PCDHGA8: variants seen among roughly 807,000 people sequenced by gnomAD.
The protein encoded by PCDHGA8 is protocadherin gamma subfamily A, 8.
PCDHGA8 carries 45 observed loss-of-function variants against 59.2 expected under a neutral mutation model. That is an observed-to-expected ratio of 0.76 (90% CI 0.60 to 0.98). The LOEUF is 0.98. PCDHGA8 is among the 50% of genes least tolerant of loss of function. PCDHGA8 has a pLI of 0.00. For missense variants in PCDHGA8, 1,257 were observed against 1,196.2 expected (o/e 1.05, Z -0.75); for synonymous variants, 531 against 519.0 (o/e 1.02, Z -0.32).
At position 141,491,187 on chromosome 5, in the gene PCDHGA8, G is replaced by A. The variant is rs2099709293; in HGVS notation, c.2425-3620G>A. ...CCCAGCAGGTGGTGGTCCTGGTGAG[G>A]GACAATGGTGACCCTTCACTCTCCT... On this transcript the variant is annotated intron_variant, in intron 1 of 3. Coordinates refer to ENST00000398604, the MANE Select transcript of PCDHGA8 (RefSeq NM_032088.2). The surrounding 1 kb of genome is among the most constrained non-coding windows in gnomAD (Gnocchi z 6.9). The A allele has an allele frequency of 6.2e-7, 1 of 1,614,064 alleles. No homozygotes were observed. The highest frequency in any genetic ancestry group is 1.1e-5 in the South Asian group (1 of 91,080).
chr5:141,451,001 A>T (rs909477017), intron 1 of PCDHGA8, among the ~76,000 whole-genome samples: 2 of 148,266 alleles, frequency 1.3e-5, no homozygotes, highest in Middle Eastern at 3.4e-3. Context: ...ATTTTTTTGT[A>T]TTTTTTTTAG....
Position 141,489,779 on chromosome 5 carries a change from T to C in PCDHGA8, c.2425-5028T>C, listed in dbSNP as rs1269302289. 1.9e-6 allele frequency: 3 copies of C among 1,614,168 alleles called. No homozygotes were observed. Among genetic ancestry groups the C allele is most frequent in the Non-Finnish European group, 2.5e-6 (3 of 1,179,996 alleles). On this transcript the variant is annotated intron_variant, in intron 1 of 3. Coordinates refer to ENST00000398604, the MANE Select transcript of PCDHGA8 (RefSeq NM_032088.2). The surrounding 1 kb of genome is among the most constrained non-coding windows in gnomAD (Gnocchi z 4.5). ...CTAAGCCCCAACAGCCACTTCTCTC[T>C]GAATGTGAAGACCCTAAAAGATGGG...
chr5:141,435,940 G>A (rs2097787697), intron 1 of PCDHGA8, among the ~76,000 whole-genome samples: 1 of 152,066 alleles, frequency 6.6e-6, no homozygotes, highest in Admixed American at 6.5e-5. Flanking sequence ...CTGCTTCTGA[G>A]ACCAAAAAAG....
Position 141,485,294 on chromosome 5 carries a change from G to A in PCDHGA8, c.2425-9513G>A, listed in dbSNP as rs2099611126. Reference sequence around the variant, plus strand: ...CTACCCGGTCCCAGAGGAGTCACAGGAAGGGACTTTTGTAGGGAATGTCGC... The same window carrying A: ...CTACCCGGTCCCAGAGGAGTCACAGAAAGGGACTTTTGTAGGGAATGTCGC... On this transcript the variant is annotated intron_variant, in intron 1 of 3. Coordinates refer to ENST00000398604, the MANE Select transcript of PCDHGA8 (RefSeq NM_032088.2). The surrounding 1 kb of genome is among the most constrained non-coding windows in gnomAD (Gnocchi z 5.7). The A allele has an allele frequency of 6.2e-7, 1 of 1,614,044 alleles. No homozygotes were observed. Among genetic ancestry groups the A allele is most frequent in the Non-Finnish European group, 8.5e-7 (1 of 1,179,988 alleles).
chr5:141,494,909 T>G (rs764123148), intron 2 of PCDHGA8, 44 bp downstream of exon 2: 1 of 1,614,042 alleles, frequency 6.2e-7, no homozygotes, highest in Admixed American at 1.7e-5. Flanking sequence ...CTGCGGCATT[T>G]TCTCAGGGAT....
chr5:141,406,294 G>C (rs1399208737), intron 1 of PCDHGA8, among the ~76,000 whole-genome samples: 1 of 151,910 alleles, frequency 6.6e-6, no homozygotes, highest in East Asian at 1.9e-4. Flanking sequence ...CACTGGGTGA[G>C]GTGTGAACCA....
At chr5:141,435,902 A>G (rs896786345) in intron 1 of PCDHGA8, among the ~76,000 whole-genome samples, 1 of 152,194 alleles carries the variant, frequency 6.6e-6, no homozygotes, top group Non-Finnish European at 1.5e-5. Flanking sequence ...AATGAAAGAC[A>G]TCCAAGGGCT....
intron 1 of PCDHGA8, chr5:141,409,464 C>G (rs1185218827): frequency 1.9e-6 from 3 of 1,613,940 alleles, no homozygotes; most frequent in Non-Finnish European, 1.7e-6. Context: ...TACAATGTCA[C>G]CATCGTAGCC....
intron 1 of PCDHGA8, chr5:141,410,854 T>C: frequency 2.6e-6 from 1 of 387,418 alleles, no homozygotes; most frequent in Non-Finnish European, 4.2e-6. Flanking sequence ...TTTGTCTTTT[T>C]TTTTTTTTTT....
Position 141,477,872 on chromosome 5 carries a change from G to A in PCDHGA8, c.2425-16935G>A. The stretch of plus-strand genomic sequence containing the variant: ...GGAGATGCTGCCTCGAGGTACCTCA[G>A]CTGGCCACCTAGTGTCACGGGTGGT... On this transcript the variant is annotated intron_variant, in intron 1 of 3. Coordinates refer to ENST00000398604, the MANE Select transcript of PCDHGA8 (RefSeq NM_032088.2). This position sits in a 1 kb window ranked among gnomAD's most constrained non-coding sequence, Gnocchi z 4.9. The A allele has an allele frequency of 6.2e-7, 1 of 1,614,180 alleles. No individual in the cohort carries two copies. Among genetic ancestry groups the A allele is most frequent in the African/African-American group, 1.3e-5 (1 of 75,058 alleles).
At chr5:141,407,497 G>GTTTTTTTTTTTTTTTT (rs1554102286) in intron 1 of PCDHGA8, among the ~76,000 whole-genome samples, 1 of 151,966 alleles carries the variant, frequency 6.6e-6, no homozygotes, top group Non-Finnish European at 1.5e-5. Flanking sequence ...CTTTATTTCT[G>GTTTTTTTTTTTTTTTT]TTTTTCTTAG....
At position 141,490,356 on chromosome 5, in the gene PCDHGA8, T is replaced by C. The variant is rs771968534; in HGVS notation, c.2425-4451T>C. ...CAGTGGGCACAGTAGTGGGGTTGTT[T>C]AATGTGCGAGACCGGGACTCAGGTA... On this transcript the variant is annotated intron_variant, in intron 1 of 3. Coordinates refer to ENST00000398604, the MANE Select transcript of PCDHGA8 (RefSeq NM_032088.2). The surrounding 1 kb of genome is among the most constrained non-coding windows in gnomAD (Gnocchi z 5.4). 1.4e-5 allele frequency: 23 copies of C among 1,614,084 alleles called. No individual in the cohort carries two copies. Among genetic ancestry groups the C allele is most frequent in the Non-Finnish European group, 1.9e-5 (22 of 1,180,038 alleles).
chr5:141,501,328 CACA>C (rs2099808027), intron 2 of PCDHGA8, among the ~76,000 whole-genome samples: 1 of 151,710 alleles, frequency 6.6e-6, no homozygotes, highest in Non-Finnish European at 1.5e-5. Context: ...CACACACACA[CACA>C]CACCCCAAAC....
At chr5:141,425,717 C>G (rs1207360676) in intron 1 of PCDHGA8, among the ~76,000 whole-genome samples, 1 of 152,188 alleles carries the variant, frequency 6.6e-6, no homozygotes, top group African/African-American at 2.4e-5. Context: ...TTTTCCCATA[C>G]CACTTGATGG....
chr5:141,400,646 CTGTCCT>C, intron 1 of PCDHGA8: 1 of 1,222,508 alleles, frequency 8.2e-7, no homozygotes, highest in South Asian at 1.4e-5. Flanking sequence ...GCTCAGAAAG[CTGTCCT>C]ACCATTCTTT....
At chr5:141,417,915 C>T in intron 1 of PCDHGA8, 1 of 1,603,354 alleles carries the variant, frequency 6.2e-7, no homozygotes. Flanking sequence ...GTACTATTTC[C>T]TTTGCTGCTG....
At chr5:141,483,240 T>C (rs2099578643) in intron 1 of PCDHGA8, among the ~76,000 whole-genome samples, 2 of 151,742 alleles carry the variant, frequency 1.3e-5, no homozygotes, top group Non-Finnish European at 1.5e-5. Flanking sequence ...TGAACTGATA[T>C]GCATATATCA....
chr5:141,447,225 C>T (rs966197293), intron 1 of PCDHGA8, among the ~76,000 whole-genome samples: 9 of 151,960 alleles, frequency 5.9e-5, no homozygotes, highest in African/African-American at 7.3e-5. Flanking sequence ...CTGCAACCTC[C>T]GCCTCCCGGG....
In PCDHGA8 at chr5:141,476,877, T is replaced by C. The variant is rs2099400648; in HGVS notation, c.2425-17930T>C. ...CAGTCCTTGTACCGGGCGCGCGTCC[T>C]GGAGGATGCACCCTCCGGCACGCGC... On this transcript the variant is annotated intron_variant, in intron 1 of 3. Transcript: ENST00000398604. This position sits in a 1 kb window ranked among gnomAD's most constrained non-coding sequence, Gnocchi z 7.6. 4.3e-6 allele frequency: 7 copies of C among 1,613,954 alleles called. No homozygotes were observed. The highest frequency in any genetic ancestry group is 5.9e-6 in the Non-Finnish European group (7 of 1,180,038).
Sources: gnomAD v4.1 joint callset for allele counts (sites outside exome capture counted in the v4.1 genomes callset) on GRCh38, gnomAD v4.1.1 for gene constraint, Gnocchi (gnomAD v3.1) non-coding constraint, MANE v1.5 for transcripts, NCBI Gene and HGNC (gene_info 2026-07-23, HGNC 2026-07-21) for gene names.